DCC: variants seen among roughly 807,000 people sequenced by gnomAD.
DCC encodes the protein DCC netrin 1 receptor, also known as netrin receptor DCC.
DCC carries 58 observed loss-of-function variants against 172.5 expected under a neutral mutation model. The ratio of observed to expected loss-of-function variants is 0.34; its 90% CI spans 0.27 to 0.42. DCC has a LOEUF of 0.42. Ranked by LOEUF, DCC falls within the 10% of genes least tolerant of loss-of-function variation. The pLI is 1.00. For synonymous variants in DCC, 709 were observed against 644.5 expected (o/e 1.10, Z -1.52); for missense variants, 1,740 against 1,791.0 (o/e 0.97, Z 0.51).
At chr18:53,431,644 TCTG>T (rs1911627258) in intron 21 of DCC, among the ~76,000 whole-genome samples, 1 of 151,944 alleles carries the variant, frequency 6.6e-6, no homozygotes, top group African/African-American at 2.4e-5. Context: ...GCCACCGTGC[TCTG>T]CTAATTTTCG....
intron 12 of DCC, among the ~76,000 whole-genome samples, chr18:53,290,915 T>C (rs1471805026): frequency 6.6e-6 from 1 of 152,158 alleles, no homozygotes; most frequent in East Asian, 1.9e-4. Context: ...ACACCTGTAA[T>C]CCCAGCACTT....
At chr18:53,171,478 C>T (rs562926615) in intron 8 of DCC, among the ~76,000 whole-genome samples, 2 of 152,180 alleles carry the variant, frequency 1.3e-5, no homozygotes, top group South Asian at 2.1e-4. Flanking sequence ...TTATGTAAGA[C>T]TGAGAAAGTA....
intron 14 of DCC, among the ~76,000 whole-genome samples, chr18:53,330,945 C>G (rs1351319934): frequency 1.3e-5 from 2 of 152,082 alleles, no homozygotes; most frequent in Non-Finnish European, 2.9e-5. Context: ...ACATAGTACT[C>G]AATAATAAGT....
intron 9 of DCC, among the ~76,000 whole-genome samples, chr18:53,202,833 A>G (rs956602911): frequency 3.3e-5 from 5 of 152,178 alleles, no homozygotes; most frequent in African/African-American, 1.2e-4. Context: ...CATGAGACAG[A>G]GACACATTCA....
At chr18:52,651,532 G>A (rs1413423998) in intron 1 of DCC, among the ~76,000 whole-genome samples, 1 of 143,438 alleles carries the variant, frequency 7.0e-6, no homozygotes, top group Non-Finnish European at 1.5e-5. Context: ...AGTAAATATT[G>A]CATTATTTTA....
intron 12 of DCC, among the ~76,000 whole-genome samples, chr18:53,238,566 T>A (rs900153497): frequency 2.0e-5 from 3 of 151,840 alleles, no homozygotes; most frequent in Non-Finnish European, 4.4e-5. Flanking sequence ...TCCAAGCTCT[T>A]ATAAGCCTTA....
chr18:53,410,660 C>G lies in DCC; in HGVS notation c.3130+14C>G, dbSNP rs1568114534. ...GGACTCTGAAAGGTTTGAATAATTT[C>G]CTATTATGCTTTTCTTTTCCTGTGG... On this transcript the variant is annotated intron_variant, in intron 20 of 28. Transcript: ENST00000442544. 4 of 1,446,064 alleles carry G rather than the reference C, an allele frequency of 2.8e-6. No individual in the cohort carries two copies. Among genetic ancestry groups the G allele is most frequent in the Non-Finnish European group, 3.9e-6 (4 of 1,024,136 alleles). 89.6% of individuals were successfully genotyped at this position (1,446,064 alleles called of 1,614,324 possible).
intron 2 of DCC, among the ~76,000 whole-genome samples, chr18:52,859,446 G>C (rs750725789): frequency 1.3e-5 from 2 of 152,172 alleles, no homozygotes; most frequent in Non-Finnish European, 2.9e-5. Flanking sequence ...TCAGAAGCTC[G>C]TATACAATCT....
At chr18:52,724,334 A>G (rs2036520005) in intron 1 of DCC, among the ~76,000 whole-genome samples, 1 of 151,982 alleles carries the variant, frequency 6.6e-6, no homozygotes, top group South Asian at 2.1e-4. Context: ...TTTTTAATAG[A>G]GATAAGGTCT....
At chr18:52,705,626 A>G (rs1380231682) in intron 1 of DCC, among the ~76,000 whole-genome samples, 2 of 152,200 alleles carry the variant, frequency 1.3e-5, no homozygotes, top group African/African-American at 4.8e-5. Flanking sequence ...GTCCAGTAGA[A>G]AAAACAGTAG....
chr18:52,360,942 A>G (rs1984591644), intron 1 of DCC, among the ~76,000 whole-genome samples: 1 of 152,172 alleles, frequency 6.6e-6, no homozygotes, highest in Non-Finnish European at 1.5e-5. Context: ...ATGAATGCAC[A>G]GTTAAAGTCA....
At chr18:53,517,437 TTAAAA>T (rs1392871668) in intron 27 of DCC, among the ~76,000 whole-genome samples, 47 of 131,884 alleles carry the variant, frequency 3.6e-4, no homozygotes, top group East Asian at 1.4e-3. Flanking sequence ...ACCCTAAAAC[TTAAAA>T]TATAATAATA....
chr18:52,540,895 C>T (rs1368386790), intron 1 of DCC, among the ~76,000 whole-genome samples: 6 of 152,032 alleles, frequency 3.9e-5, no homozygotes, highest in East Asian at 1.9e-4. Flanking sequence ...CATGAGCCAC[C>T]GCGCCCGGCC....
At chr18:53,304,633 G>T (rs570383572) in intron 12 of DCC, among the ~76,000 whole-genome samples, 1 of 152,208 alleles carries the variant, frequency 6.6e-6, no homozygotes, top group African/African-American at 2.4e-5. Context: ...TAGTAGCCTG[G>T]TTTTACTGGG....
At chr18:53,261,752 G>A (rs1030707366) in intron 12 of DCC, among the ~76,000 whole-genome samples, 3 of 152,070 alleles carry the variant, frequency 2.0e-5, no homozygotes, top group South Asian at 4.1e-4. Context: ...ACCTGCCTTG[G>A]CCTCCCAAAG....
At position 52,708,421 on chromosome 18, in the gene DCC, A is replaced by G. The variant is rs574432987; in HGVS notation, c.92-43633A>G. 6.3e-5 allele frequency among the ~76,000 whole-genome samples: 9 copies of G among 142,944 alleles called. No homozygotes were observed. In the South Asian group the frequency reaches 2.1e-3, roughly 33 times the overall value. The allele number at this position is 142,944 out of a possible 152,430, so 93.8% of individuals were successfully genotyped here. The stretch of plus-strand genomic sequence containing the variant: ...TGCACCACTGCACTCCAGCCTGGGC[A>G]ATAGAGCGAGACTCTGTCTCAAAAA... On this transcript the variant is annotated intron_variant, in intron 1 of 28. Coordinates refer to ENST00000442544, the MANE Select transcript of DCC (RefSeq NM_005215.4).
intron 12 of DCC, among the ~76,000 whole-genome samples, chr18:53,238,941 A>C (rs2056244962): frequency 6.6e-6 from 1 of 151,532 alleles, no homozygotes; most frequent in Non-Finnish European, 1.5e-5. Flanking sequence ...AACTATCGCA[A>C]GGACAAAAAA....
In DCC at chr18:52,969,525, A is replaced by G. The variant is rs565508040; in HGVS notation, c.985+44155A>G. On this transcript the variant is annotated intron_variant, in intron 5 of 28. Transcript: ENST00000442544. ...AAATTCCCTAGAACCTACTTAGTTG[A>G]CTTACTTATCTCAACCAGATTAGCC... Among the ~76,000 whole-genome samples, 8 of 150,840 alleles carry G rather than the reference A, an allele frequency of 5.3e-5. No homozygotes were observed. The East Asian group carries it at 1.6e-3, about 30-fold the overall frequency.
chr18:52,851,638 A>C (rs1055989662), intron 2 of DCC, among the ~76,000 whole-genome samples: 2 of 152,126 alleles, frequency 1.3e-5, no homozygotes, highest in African/African-American at 4.8e-5. Flanking sequence ...AACAAATAGC[A>C]AATTGAGTTT....
Sources: allele counts gnomAD v4.1 joint callset (sites outside exome capture counted in the v4.1 genomes callset), GRCh38; gene constraint gnomAD v4.1.1; transcripts MANE v1.5; gene names NCBI Gene and HGNC (gene_info 2026-07-23, HGNC 2026-07-21).